Variants in GNAO1 observed in about 807,000 individuals in gnomAD.
GNAO1 encodes the protein G protein subunit alpha o1.
For synonymous variants in GNAO1, 164 were observed against 180.7 expected (o/e 0.91, Z 0.74); for missense variants, 166 against 478.7 (o/e 0.35, Z 6.10).
At chr16:56,226,147 G>A (rs1341192713) in intron 2 of GNAO1, among the ~76,000 whole-genome samples, 1 of 152,096 alleles carries the variant, frequency 6.6e-6, no homozygotes, top group African/African-American at 2.4e-5. Flanking sequence ...GGGCAAGAGA[G>A]GGAGCAGGGA....
At chr16:56,229,878 C>T (rs984308019) in intron 2 of GNAO1, among the ~76,000 whole-genome samples, 1 of 152,140 alleles carries the variant, frequency 6.6e-6, no homozygotes, top group African/African-American at 2.4e-5. Context: ...TAGAACTTCT[C>T]GAGCTTTTCC....
chr16:56,309,687 G>A (rs1354985917), intron 3 of GNAO1, among the ~76,000 whole-genome samples: 2 of 152,180 alleles, frequency 1.3e-5, no homozygotes, highest in African/African-American at 4.8e-5. Context: ...GAAGAGGGAG[G>A]TGAAGTGACC....
chr16:56,220,415 A>G (rs1439073854), intron 2 of GNAO1, among the ~76,000 whole-genome samples: 1 of 152,216 alleles, frequency 6.6e-6, no homozygotes, highest in Non-Finnish European at 1.5e-5. Context: ...ATAAAATGAC[A>G]TATGGACTTT....
chr16:56,250,442 G>A (rs1431894542), intron 2 of GNAO1, among the ~76,000 whole-genome samples: 2 of 152,206 alleles, frequency 1.3e-5, no homozygotes, highest in African/African-American at 4.8e-5. Context: ...AATGTCCTCA[G>A]CTTAGTCCCT....
intron 3 of GNAO1, among the ~76,000 whole-genome samples, chr16:56,325,545 G>A (rs575852333): frequency 1.3e-5 from 2 of 152,130 alleles, no homozygotes; most frequent in Non-Finnish European, 1.5e-5. Context: ...CCGTGAAATC[G>A]GGGAGATGGT....
At chr16:56,197,534 A>G (rs1443220349) in intron 2 of GNAO1, among the ~76,000 whole-genome samples, 1 of 152,220 alleles carries the variant, frequency 6.6e-6, no homozygotes, top group African/African-American at 2.4e-5. Flanking sequence ...CAGCTGTGGA[A>G]TTCTTGAGCC....
intron 2 of GNAO1, among the ~76,000 whole-genome samples, chr16:56,242,295 CCTT>C (rs1159072435): frequency 1.3e-5 from 2 of 152,134 alleles, no homozygotes; most frequent in African/African-American, 4.8e-5. Context: ...ATCCCAGGTG[CCTT>C]CTTTGTAGAA....
rs1369076923 is a variant in GNAO1 at position 56,322,970 on chromosome 16, AT to A, written c.304-5660del. 5.9e-5 allele frequency among the ~76,000 whole-genome samples: 9 copies of A among 152,226 alleles called. No homozygotes were observed. The East Asian group carries it at 9.7e-4, about 16-fold the overall frequency. On this transcript the variant is annotated intron_variant, in intron 3 of 8. Transcript: ENST00000262493. ...AGGTACCATGAGAAATCAGGAAACGATCCCTGCCCTGAGGACCAGGCTCATA... is the reference window on the plus strand; with the variant it reads ...AGGTACCATGAGAAATCAGGAAACGACCCTGCCCTGAGGACCAGGCTCATA...
chr16:56,251,035 G>A (rs2036794628), intron 2 of GNAO1, among the ~76,000 whole-genome samples: 1 of 152,170 alleles, frequency 6.6e-6, no homozygotes, highest in Non-Finnish European at 1.5e-5. Flanking sequence ...TCTAATCTAT[G>A]ATTTTACCCC....
At chr16:56,195,494 G>A (rs1450834789) in intron 2 of GNAO1, among the ~76,000 whole-genome samples, 1 of 152,244 alleles carries the variant, frequency 6.6e-6, no homozygotes, top group Admixed American at 6.5e-5. Context: ...GTCACTTTGA[G>A]TCAGGAGAAT....
chr16:56,355,352 TAC>T (rs1213069890), intron 8 of GNAO1: 1 of 153,302 alleles, frequency 6.5e-6, no homozygotes, highest in Non-Finnish European at 1.5e-5. Flanking sequence ...TGTGTGTGTG[TAC>T]ACACACTCAC....
intron 2 of GNAO1, among the ~76,000 whole-genome samples, chr16:56,202,724 T>G (rs1364520775): frequency 1.3e-5 from 2 of 152,232 alleles, no homozygotes; most frequent in Non-Finnish European, 2.9e-5. Context: ...TAGCATTTCT[T>G]TTCTCTGTGA....
chr16:56,318,965 G>A (rs1473604834), intron 3 of GNAO1, among the ~76,000 whole-genome samples: 1 of 152,162 alleles, frequency 6.6e-6, no homozygotes, highest in Admixed American at 6.5e-5. Context: ...AAGGTCACAT[G>A]GCTAAAAAGA....
At chr16:56,314,463 C>T (rs909090596) in intron 3 of GNAO1, among the ~76,000 whole-genome samples, 3 of 152,200 alleles carry the variant, frequency 2.0e-5, no homozygotes, top group Non-Finnish European at 4.4e-5. Flanking sequence ...ATTTGCAGCA[C>T]GTGTTTTGTG....
At chr16:56,198,742 C>G (rs1169071825) in intron 2 of GNAO1, among the ~76,000 whole-genome samples, 2 of 152,082 alleles carry the variant, frequency 1.3e-5, no homozygotes, top group Non-Finnish European at 2.9e-5. Context: ...GTTTTTATTC[C>G]TTTGATTAGT....
rs890524694 is a variant in GNAO1 at position 56,191,906 on chromosome 16, T to G, written c.-330T>G. The G allele has an allele frequency of 3.2e-6, 1 of 312,064 alleles. No individual in the cohort carries two copies. Among genetic ancestry groups the G allele is most frequent in the Middle Eastern group, 9.7e-4 (1 of 1,036 alleles). The allele number at this position is 312,064 out of a possible 1,614,324, so 19.3% of individuals were successfully genotyped here. ...CGACTATTATTTTATTTATTTTGGG[T>G]CGTGCACAAGCCTCAGTGCCTGCAG... On this transcript the variant is annotated 5_prime_UTR_variant, in exon 1 of 9. Transcript: ENST00000262493. This position sits in a 1 kb window ranked among gnomAD's most constrained non-coding sequence, Gnocchi z 4.7.
chr16:56,252,376 T>C (rs1197037642), intron 2 of GNAO1, among the ~76,000 whole-genome samples: 1 of 152,208 alleles, frequency 6.6e-6, no homozygotes, highest in Non-Finnish European at 1.5e-5. Flanking sequence ...GTGCTGTGCT[T>C]CCTGGGCCAG....
chr16:56,336,413 A>C (rs1448856983), intron 5 of GNAO1: 4 of 254,632 alleles, frequency 1.6e-5, no homozygotes, highest in Non-Finnish European at 3.0e-5. Context: ...TGCGAGGAGG[A>C]CTCTCAGAGG....
At chr16:56,264,121 A>G (rs1450769085) in intron 2 of GNAO1, among the ~76,000 whole-genome samples, 4 of 152,264 alleles carry the variant, frequency 2.6e-5, no homozygotes, top group Non-Finnish European at 4.4e-5. Flanking sequence ...GCCCCAGGCC[A>G]GGGCCGATGA....
Sources: allele counts gnomAD v4.1 joint callset (sites outside exome capture counted in the v4.1 genomes callset), GRCh38; gene constraint gnomAD v4.1.1; non-coding constraint Gnocchi (gnomAD v3.1); transcripts MANE v1.5; gene names NCBI Gene and HGNC (gene_info 2026-07-23, HGNC 2026-07-21).